The following WWOX variants were observed in gnomAD, a reference collection of about 807,000 sequenced individuals.
WWOX encodes WW domain containing oxidoreductase.
A neutral mutation model predicts 46.2 loss-of-function variants in WWOX; 69 were observed. The observed-to-expected ratio is 1.49, with a 90% confidence interval of 1.23 to 1.82. WWOX has a LOEUF of 1.82. Among genes scored for constraint, WWOX ranks in the 40% most tolerant of loss-of-function variants. WWOX has a pLI of 0.00. For missense variants in WWOX, 919 were observed against 542.6 expected, an observed-to-expected ratio of 1.69 and a Z score of -6.89; for synonymous variants, 359 against 202.6, an observed-to-expected ratio of 1.77 and a Z score of -6.56.
intron 8 of WWOX, among the ~76,000 whole-genome samples, chr16:78,885,309 T>A (rs2044431999): frequency 6.6e-6 from 1 of 152,098 alleles, no homozygotes; most frequent in African/African-American, 2.4e-5. Context: ...TCCAGTCTTA[T>A]AAATATTTGA....
chr16:78,485,649 G>A (rs920618449), intron 8 of WWOX, among the ~76,000 whole-genome samples: 2 of 152,184 alleles, frequency 1.3e-5, no homozygotes, highest in African/African-American at 2.4e-5. Context: ...TGCCCGCCGC[G>A]TGAAGGACAT....
chr16:79,095,787 C>T (rs909107607), intron 8 of WWOX, among the ~76,000 whole-genome samples: 4 of 151,604 alleles, frequency 2.6e-5, no homozygotes, highest in African/African-American at 4.8e-5. Context: ...CTCAGAAAGC[C>T]GACTTCACCC....
chr16:78,555,722 C>T (rs1015802703), intron 8 of WWOX, among the ~76,000 whole-genome samples: 8 of 151,844 alleles, frequency 5.3e-5, no homozygotes, highest in Non-Finnish European at 1.0e-4. Context: ...CCTGCAGTTC[C>T]AAATGACTCC....
At chr16:78,790,541 A>C (rs375148592) in intron 8 of WWOX, among the ~76,000 whole-genome samples, 151 of 152,346 alleles carry the variant, frequency 9.9e-4, no homozygotes, top group African/African-American at 3.4e-3. Flanking sequence ...ACCAGTATCT[A>C]CTACCGTGGA....
At chr16:78,922,351 C>T (rs1048333637) in intron 8 of WWOX, among the ~76,000 whole-genome samples, 1 of 151,366 alleles carries the variant, frequency 6.6e-6, no homozygotes, top group Non-Finnish European at 1.5e-5. Context: ...CTCTTTTTTT[C>T]AGGAATATAT....
At chr16:78,167,255 T>C (rs1477355891) in intron 5 of WWOX, 1 of 152,228 alleles carries the variant, frequency 6.6e-6, no homozygotes, top group Admixed American at 6.5e-5. Context: ...CGATGAGACC[T>C]TGGGTAAGCC....
intron 8 of WWOX, among the ~76,000 whole-genome samples, chr16:78,712,513 A>G (rs2048464851): frequency 6.6e-6 from 1 of 151,918 alleles, no homozygotes; most frequent in Admixed American, 6.6e-5. Flanking sequence ...AAAAAAAAAA[A>G]AGTCTTATAT....
intron 8 of WWOX, among the ~76,000 whole-genome samples, chr16:78,489,778 G>C (rs2151459673): frequency 6.6e-6 from 1 of 152,240 alleles, no homozygotes; most frequent in Admixed American, 6.5e-5. Context: ...CTCCTAACAT[G>C]TCATCTGAAA....
intron 8 of WWOX, among the ~76,000 whole-genome samples, chr16:78,738,831 A>C (rs2049149305): frequency 6.6e-6 from 1 of 152,168 alleles, no homozygotes; most frequent in South Asian, 2.1e-4. Flanking sequence ...CCTAATATTA[A>C]GAGGTAGGAG....
chr16:78,571,397 T>A (rs1282934370), intron 8 of WWOX, among the ~76,000 whole-genome samples: 2 of 152,200 alleles, frequency 1.3e-5, no homozygotes, highest in Admixed American at 1.3e-4. Context: ...CATTACAGCT[T>A]AACAGACACA....
At chr16:79,164,628 A>G (rs912409137) in intron 8 of WWOX, among the ~76,000 whole-genome samples, 22 of 152,168 alleles carry the variant, frequency 1.4e-4, no homozygotes, top group Non-Finnish European at 1.5e-5. Flanking sequence ...CCCTCACTCT[A>G]ACCTTGAAAG....
In WWOX at chr16:79,167,823, C is replaced by T. The variant is rs376086437; in HGVS notation, c.1057-43785C>T. Among the ~76,000 whole-genome samples the T allele has an allele frequency of 2.6e-5, 4 of 152,280 alleles. No individual in the cohort carries two copies. In the East Asian group the frequency reaches 7.7e-4, roughly 29 times the overall value. Reference sequence around the variant, plus strand: ...GGCATTTAGTGAACTCAGTGTTATGCCACCGTCACCTCTTTTTAGTTTCAA... The same window carrying T: ...GGCATTTAGTGAACTCAGTGTTATGTCACCGTCACCTCTTTTTAGTTTCAA... On this transcript the variant is annotated intron_variant, in intron 8 of 8. Transcript: ENST00000566780.
intron 8 of WWOX, among the ~76,000 whole-genome samples, chr16:78,731,053 G>C (rs1305498945): frequency 6.6e-6 from 1 of 152,262 alleles, no homozygotes; most frequent in South Asian, 2.1e-4. Context: ...GTTTAGTGTT[G>C]ATTTAAGAAA....
At chr16:78,984,274 C>T (rs564152718) in intron 8 of WWOX, among the ~76,000 whole-genome samples, 10 of 152,098 alleles carry the variant, frequency 6.6e-5, no homozygotes, top group Middle Eastern at 3.2e-3. Context: ...TATGGCAGAG[C>T]TTGGAATTCT....
Position 78,635,416 on chromosome 16 carries a change from C to T in WWOX, c.1056+202664C>T, listed in dbSNP as rs532395924. Among the ~76,000 whole-genome samples, 4 of 152,164 alleles carry T rather than the reference C, an allele frequency of 2.6e-5. No homozygotes were observed. In the South Asian group the frequency reaches 8.3e-4, roughly 32 times the overall value. On this transcript the variant is annotated intron_variant, in intron 8 of 8. Coordinates refer to ENST00000566780, the MANE Select transcript of WWOX (RefSeq NM_016373.4). ...TCATCTGGGAGGAACTAGGGGAGCG[C>T]TAATGTGTTGTCCTTGACTGGGCAA...
chr16:79,096,744 C>A (rs1296018643), intron 8 of WWOX, among the ~76,000 whole-genome samples: 1 of 152,168 alleles, frequency 6.6e-6, no homozygotes, highest in Non-Finnish European at 1.5e-5. Context: ...GGTATTTCAC[C>A]TGTTTTGTTT....
At chr16:79,159,292 C>G (rs758547603) in intron 8 of WWOX, among the ~76,000 whole-genome samples, 7 of 152,310 alleles carry the variant, frequency 4.6e-5, no homozygotes, top group Non-Finnish European at 1.0e-4. Flanking sequence ...CGTGTGATTT[C>G]CAACACAGCT....
chr16:78,102,033 G>A (rs2031829428), intron 1 of WWOX, among the ~76,000 whole-genome samples: 1 of 152,102 alleles, frequency 6.6e-6, no homozygotes, highest in Non-Finnish European at 1.5e-5. Context: ...CGATCCTCCC[G>A]CATCAGCCTG....
intron 8 of WWOX, among the ~76,000 whole-genome samples, chr16:79,005,143 GC>G (rs951871736): frequency 1.3e-5 from 2 of 152,078 alleles, no homozygotes; most frequent in African/African-American, 4.8e-5. Context: ...TTTCTGTCTG[GC>G]CTTTCTCTTT....
Sources: allele counts gnomAD v4.1 joint callset (sites outside exome capture counted in the v4.1 genomes callset), GRCh38; gene constraint gnomAD v4.1.1; transcripts MANE v1.5; gene names NCBI Gene and HGNC (gene_info 2026-07-23, HGNC 2026-07-21).